The following TAF6 variants were observed in gnomAD, a reference collection of about 807,000 sequenced individuals.
TAF6 encodes transcription initiation factor TFIID subunit 6.
TAF6 carries 50 observed loss-of-function variants against 73.5 expected under a neutral mutation model. The ratio of observed to expected loss-of-function variants is 0.68; its 90% CI spans 0.54 to 0.86. TAF6 has a LOEUF of 0.86. Ranked by LOEUF, TAF6 falls within the 40% of genes least tolerant of loss-of-function variation. The probability of loss-of-function intolerance (pLI) is 0.00; values close to 1 mark genes in which losing one functional copy is unlikely to be tolerated. For synonymous variants in TAF6, 424 were observed against 376.7 expected (o/e 1.13, Z -1.45); for missense variants, 768 against 899.5 (o/e 0.85, Z 1.87).
upstream of TAF6, chr7:100,123,053 C>CA: frequency 1.1e-6 from 1 of 894,588 alleles, no homozygotes; most frequent in Non-Finnish European, 1.6e-6. Flanking sequence ...AAAGTGGGTC[C>CA]AGGAGCGGTG....
rs188203607 is a variant in TAF6, at chr7:100,112,521, G to A, written c.575-268C>T. Among the ~76,000 whole-genome samples, 143 of 152,068 alleles carry A rather than the reference G, an allele frequency of 9.4e-4. 4 individuals are homozygous for A. Among genetic ancestry groups the A allele is most frequent in the Admixed American group, 9.4e-3 (143 of 15,264 alleles). ...TGAGGCTGAGTTTGAAACCAGCCTG[G>A]CCAACATAGCAAAACCCTGTCTCTA... is the stretch of plus-strand genomic sequence containing the variant. On this transcript the variant is annotated intron_variant, in intron 6 of 14. Transcript: ENST00000453269.
At chr7:100,108,332 TTCC>T (rs2116712167) in intron 13 of TAF6, 32 bp downstream of exon 13, 2 of 1,572,398 alleles carry the variant, frequency 1.3e-6, no homozygotes, top group Non-Finnish European at 1.7e-6. Flanking sequence ...TCTCCTCTGC[TTCC>T]TCCTATTCCT....
At chr7:100,119,592 GAGGCCCC>G, upstream of TAF6, 1 of 1,487,380 alleles carries the variant, frequency 6.7e-7, no homozygotes, top group Non-Finnish European at 9.0e-7. Context: ...CCGTAGCAAC[GAGGCCCC>G]ACCCTTGTTG....
chr7:100,108,216 T>C, intron 13 of TAF6, 93 bp from the exon 14 acceptor site: 1 of 1,462,880 alleles, frequency 6.8e-7, no homozygotes, highest in Non-Finnish European at 9.1e-7. Flanking sequence ...TCTTCCTCAG[T>C]GGCTCTCACT....
intron 13 of TAF6, 85 bp from the exon 14 acceptor site, chr7:100,108,208 T>C: frequency 1.4e-6 from 2 of 1,475,536 alleles, no homozygotes; most frequent in South Asian, 1.3e-5. Flanking sequence ...CCCCTCGCTC[T>C]TCCTCAGTGG....
rs1424440850 is a variant in TAF6, at chr7:100,107,986, G to A, written c.1596C>T (p.Ser532=). Residue 532 remains serine, a synonymous_variant, in exon 14 of 15, where the codon TCC becomes TCT. Transcript: ENST00000453269. Reference sequence around the variant, plus strand: ...TTACAATAAACTTGGTTGGAGGAGGGGAAGGCTGTGGTGGGGCAGCCGCTC... The same window carrying A: ...TTACAATAAACTTGGTTGGAGGAGGAGAAGGCTGTGGTGGGGCAGCCGCTC... The part of the protein sequence containing the change: ...SARAAAPPQP[S]PPPTKFIVMS... 12 of 1,614,058 alleles carry A rather than the reference G, an allele frequency of 7.4e-6. No homozygotes were observed. The highest frequency in any genetic ancestry group is 9.3e-6 in the Non-Finnish European group (11 of 1,179,988).
At chr7:100,119,641 G>T (rs536137427), upstream of TAF6, 2 of 1,603,086 alleles carry the variant, frequency 1.2e-6, no homozygotes, top group East Asian at 2.3e-5. Flanking sequence ...GACCTTCCTC[G>T]GCTGGATTTA....
At chr7:100,121,788 C>T (rs977254057), upstream of TAF6, among the ~76,000 whole-genome samples, 11 of 150,958 alleles carry the variant, frequency 7.3e-5, no homozygotes, top group South Asian at 2.1e-4. Context: ...TGGTGGCTCA[C>T]GCCTGTAATC....
chr7:100,111,169 G>A lies in TAF6; in HGVS notation c.1053C>T (p.Ile351=), dbSNP rs750286135. ...CKHFSTTTNN[I]QSRITKTFTK... ...TGAAGGTCTTGGTGATCCGGGACTG[G>A]ATGTTGTTAGTGGTTGTGCTAAAAT... Residue 351 remains isoleucine (I), a synonymous_variant, in exon 10 of 15, where the codon ATC becomes ATT. Coordinates refer to ENST00000453269, the MANE Select transcript of TAF6 (RefSeq NM_139315.3). The A allele has an allele frequency of 6.2e-7, 1 of 1,614,118 alleles. No individual in the cohort carries two copies. The highest frequency in any genetic ancestry group is 1.7e-5 in the Admixed American group (1 of 60,008).
intron 1 of TAF6, chr7:100,118,521 G>C (rs1797870545): frequency 1.3e-5 from 2 of 152,060 alleles, no homozygotes; most frequent in Admixed American, 1.3e-4. Context: ...GACGGACCTG[G>C]TGGTGTGAAC....
At chr7:100,125,060 G>C in the TAF6 span, 13 of 690,458 alleles carry the variant, frequency 1.9e-5, no homozygotes, top group East Asian at 5.6e-5. Flanking sequence ...GCATGACATG[G>C]CTTCTGGGGT....
intron 7 of TAF6, 34 bp downstream of exon 7, chr7:100,112,074 T>A: frequency 6.2e-7 from 1 of 1,613,472 alleles, no homozygotes; most frequent in Non-Finnish European, 8.5e-7. Flanking sequence ...GGAGGAGGCG[T>A]CTCAGGGCCA....
At chr7:100,119,852 C>G (rs367606046), upstream of TAF6, 6 of 1,611,696 alleles carry the variant, frequency 3.7e-6, no homozygotes, top group African/African-American at 8.0e-5. Context: ...GCTTGCCCAG[C>G]AAATGCGAAG....
chr7:100,122,138 A>G (rs946436314), upstream of TAF6: 16 of 1,288,804 alleles, frequency 1.2e-5, no homozygotes, highest in Non-Finnish European at 1.7e-5. Context: ...CAGGATTCCA[A>G]CCCAGCCAGT....
chr7:100,118,667 C>CA (rs902735407), intron 1 of TAF6: 53 of 190,068 alleles, frequency 2.8e-4, no homozygotes, highest in Non-Finnish European at 4.8e-4. Flanking sequence ...AAAAAAAAAA[C>CA]AAAAAAAAAT....
At chr7:100,115,911 C>T (rs1385919094) in intron 1 of TAF6, among the ~76,000 whole-genome samples, 1 of 152,018 alleles carries the variant, frequency 6.6e-6, no homozygotes, top group Non-Finnish European at 1.5e-5. Context: ...GTGGAGGTTG[C>T]AGTGAGCCAA....
chr7:100,127,145 G>A, the TAF6 span: 2 of 521,268 alleles, frequency 3.8e-6, no homozygotes, highest in Middle Eastern at 5.0e-4. This position sits in a 1 kb window ranked among gnomAD's most constrained non-coding sequence, Gnocchi z 4.6. Flanking sequence ...TACGTACCGC[G>A]AACGGAATGG....
At chr7:100,125,010 T>C in the TAF6 span, 1 of 1,167,150 alleles carries the variant, frequency 8.6e-7, no homozygotes, top group South Asian at 1.5e-5. Flanking sequence ...CTTGTAGCTG[T>C]TCTCTCCCAT....
At chr7:100,115,130 G>C (rs1797569977) in intron 1 of TAF6, 1 of 152,092 alleles carries the variant, frequency 6.6e-6, no homozygotes, top group South Asian at 2.1e-4. Flanking sequence ...CAAAGTGTTG[G>C]AATTACAGGC....
Sources: allele counts gnomAD v4.1 joint callset (sites outside exome capture counted in the v4.1 genomes callset), GRCh38; gene constraint gnomAD v4.1.1; non-coding constraint Gnocchi (gnomAD v3.1); transcripts MANE v1.5; gene names NCBI Gene and HGNC (gene_info 2026-07-23, HGNC 2026-07-21).